The following TAFA1 variants were observed in gnomAD, a reference collection of about 807,000 sequenced individuals.
TAFA1 encodes the protein chemokine-like protein TAFA-1.
Under a neutral mutation model 18.5 loss-of-function variants are expected in TAFA1, and 4 were observed. The ratio of observed to expected loss-of-function variants is 0.22; its 90% CI spans 0.11 to 0.49. TAFA1 has a LOEUF of 0.49. Ranked by LOEUF, TAFA1 falls within the 20% of genes least tolerant of loss-of-function variation. The probability of loss-of-function intolerance (pLI) is 0.98; values close to 1 mark genes in which losing one functional copy is unlikely to be tolerated. For missense variants in TAFA1, 147 were observed against 169.0 expected (o/e 0.87, Z 0.72); for synonymous variants, 56 against 55.2 (o/e 1.01, Z -0.06).
At chr3:68,239,899 A>G (rs2066975014) in intron 2 of TAFA1, among the ~76,000 whole-genome samples, 1 of 152,226 alleles carries the variant, frequency 6.6e-6, no homozygotes, top group Non-Finnish European at 1.5e-5. Context: ...TTTTAAATAT[A>G]TAATAGCACC....
At chr3:68,016,610 C>T (rs1443505740) in intron 2 of TAFA1, among the ~76,000 whole-genome samples, 1 of 152,142 alleles carries the variant, frequency 6.6e-6, no homozygotes, top group Non-Finnish European at 1.5e-5. Flanking sequence ...TCTATCTCAT[C>T]TAGGTCTGTG....
intron 2 of TAFA1, among the ~76,000 whole-genome samples, chr3:68,414,508 T>C (rs1208213346): frequency 1.3e-5 from 2 of 152,172 alleles, no homozygotes; most frequent in Non-Finnish European, 2.9e-5. Context: ...GTCACACTTA[T>C]GTGATTCTGG....
intron 2 of TAFA1, among the ~76,000 whole-genome samples, chr3:68,347,116 A>G (rs1347573574): frequency 6.6e-6 from 1 of 152,174 alleles, no homozygotes; most frequent in African/African-American, 2.4e-5. Flanking sequence ...GTTATTATAC[A>G]TCATTTTCAT....
chr3:68,285,291 T>A (rs2067975797), intron 2 of TAFA1, among the ~76,000 whole-genome samples: 1 of 152,144 alleles, frequency 6.6e-6, no homozygotes, highest in South Asian at 2.1e-4. Flanking sequence ...TGTAGGGACA[T>A]AAAGGAACTT....
chr3:68,507,038 C>A (rs903316111), intron 3 of TAFA1, among the ~76,000 whole-genome samples: 1 of 152,090 alleles, frequency 6.6e-6, no homozygotes, highest in Non-Finnish European at 1.5e-5. Flanking sequence ...TTCCTGCTGC[C>A]GTTCTGTCCT....
At chr3:68,003,316 G>C (rs969469749), upstream of TAFA1, among the ~76,000 whole-genome samples, 3 of 152,174 alleles carry the variant, frequency 2.0e-5, no homozygotes, top group Admixed American at 6.5e-5. Context: ...CCTCTGAAAG[G>C]CAAGAGAGTA....
At chr3:68,259,503 A>G (rs963800141) in intron 2 of TAFA1, among the ~76,000 whole-genome samples, 3 of 152,158 alleles carry the variant, frequency 2.0e-5, no homozygotes, top group Non-Finnish European at 4.4e-5. Context: ...TGGGGATGGC[A>G]TTGAATCTAT....
At chr3:68,030,385 G>A (rs1704906663) in intron 2 of TAFA1, among the ~76,000 whole-genome samples, 1 of 151,912 alleles carries the variant, frequency 6.6e-6, no homozygotes, top group South Asian at 2.1e-4. Context: ...ATCTACATTA[G>A]GTATTTCTTC....
chr3:68,151,483 C>T (rs1426839374), intron 2 of TAFA1, among the ~76,000 whole-genome samples: 1 of 152,110 alleles, frequency 6.6e-6, no homozygotes, highest in East Asian at 1.9e-4. Context: ...AAAGAAATTT[C>T]TTGCTCACAG....
At chr3:68,065,891 T>G (rs2064671119) in intron 2 of TAFA1, among the ~76,000 whole-genome samples, 2 of 151,990 alleles carry the variant, frequency 1.3e-5, no homozygotes, top group African/African-American at 4.8e-5. Context: ...TTGTGATATA[T>G]CCATACAATA....
At chr3:68,261,735 G>A (rs536665067) in intron 2 of TAFA1, among the ~76,000 whole-genome samples, 85 of 152,196 alleles carry the variant, frequency 5.6e-4, no homozygotes, top group African/African-American at 1.8e-3. Context: ...ATGGATACAG[G>A]AAGGGGAACA....
In TAFA1 at chr3:68,160,519, C is replaced by G. The variant is rs575165118; in HGVS notation, c.118+153775C>G. On this transcript the variant is annotated intron_variant, in intron 2 of 4. Transcript: ENST00000478136. Reference sequence around the variant, plus strand: ...TATGTCTTTTTCTGGCTAAGTGACTCTACAGAAGATATTTAATCTCCCTAT... The same window carrying G: ...TATGTCTTTTTCTGGCTAAGTGACTGTACAGAAGATATTTAATCTCCCTAT... Among the ~76,000 whole-genome samples the G allele has an allele frequency of 5.9e-5, 9 of 152,240 alleles. No homozygotes were observed. In the South Asian group the frequency reaches 1.0e-3, roughly 18 times the overall value.
chr3:68,276,554 A>G lies in TAFA1; in HGVS notation c.119-140726A>G, dbSNP rs117777260. Among the ~76,000 whole-genome samples the G allele has an allele frequency of 1.1e-3, 171 of 152,320 alleles. 4 individuals carry two copies. The East Asian group carries it at 0.029, about 26-fold the overall frequency. ...AGAGGTATGATAAATATGTCCCCTG[A>G]GTTGAAATACTGTGTATCGTACATG... On this transcript the variant is annotated intron_variant, in intron 2 of 4. Coordinates refer to ENST00000478136, the MANE Select transcript of TAFA1 (RefSeq NM_213609.4).
intron 2 of TAFA1, among the ~76,000 whole-genome samples, chr3:68,183,702 T>C (rs1393875745): frequency 6.6e-6 from 1 of 152,160 alleles, no homozygotes; most frequent in African/African-American, 2.4e-5. Context: ...ATTACCTGTG[T>C]GGTGATTTCC....
At chr3:68,084,829 A>G (rs1401939371) in intron 2 of TAFA1, among the ~76,000 whole-genome samples, 1 of 151,750 alleles carries the variant, frequency 6.6e-6, no homozygotes, top group East Asian at 1.9e-4. Context: ...AAACCAAATA[A>G]CAAAAAGTAG....
At chr3:68,290,567 A>G (rs1192401401) in intron 2 of TAFA1, among the ~76,000 whole-genome samples, 1 of 152,162 alleles carries the variant, frequency 6.6e-6, no homozygotes, top group Non-Finnish European at 1.5e-5. Flanking sequence ...CATTCAGACC[A>G]GGAGTAACAA....
chr3:68,450,671 T>G (rs1269091284), intron 3 of TAFA1, among the ~76,000 whole-genome samples: 1 of 152,208 alleles, frequency 6.6e-6, no homozygotes, highest in Non-Finnish European at 1.5e-5. Flanking sequence ...CAATAAAATA[T>G]GAAGAAAAGG....
chr3:68,025,549 G>A (rs1704796111), intron 2 of TAFA1, among the ~76,000 whole-genome samples: 1 of 152,122 alleles, frequency 6.6e-6, no homozygotes, highest in South Asian at 2.1e-4. Flanking sequence ...TCCTTGCAAA[G>A]GGCCCTAATA....
intron 2 of TAFA1, among the ~76,000 whole-genome samples, chr3:68,190,357 A>G (rs1416726447): frequency 6.6e-6 from 1 of 151,872 alleles, no homozygotes; most frequent in African/African-American, 2.4e-5. Flanking sequence ...CTGGGAACAC[A>G]TTTTTAAGTG....
Sources: gnomAD v4.1 joint callset for allele counts (sites outside exome capture counted in the v4.1 genomes callset) on GRCh38, gnomAD v4.1.1 for gene constraint, MANE v1.5 for transcripts, NCBI Gene and HGNC (gene_info 2026-07-23, HGNC 2026-07-21) for gene names.